VBP1: variants seen among roughly 807,000 people sequenced by gnomAD.
The protein encoded by VBP1 is prefoldin subunit 3.
A neutral mutation model predicts 15.5 loss-of-function variants in VBP1; 4 were observed. That is an observed-to-expected ratio of 0.26 (90% CI 0.13 to 0.59). VBP1 has a LOEUF of 0.59. Ranked by LOEUF, VBP1 falls within the 20% of genes least tolerant of loss-of-function variation. VBP1 has a pLI of 0.90. For missense variants in VBP1, 108 were observed against 139.6 expected (o/e 0.77, Z 1.14); for synonymous variants, 61 against 52.1 (o/e 1.17, Z -0.74).
chrX:155,201,266 C>G (rs1350220773), intron 1 of VBP1, among the ~76,000 whole-genome samples: 1 of 109,504 alleles, frequency 9.1e-6, no homozygotes, highest in Non-Finnish European at 1.9e-5. Context: ...TTTATGAGAC[C>G]AGCATCATCC....
At chrX:155,238,175 G>A (rs2074782955) in intron 5 of VBP1, among the ~76,000 whole-genome samples, 1 of 112,039 alleles carries the variant, frequency 8.9e-6, no homozygotes, top group Non-Finnish European at 1.9e-5. Flanking sequence ...ACTGCAAAAG[G>A]TAGGAAAGGA....
At chrX:155,218,222 A>G (rs1169710319) in intron 1 of VBP1, among the ~76,000 whole-genome samples, 2 of 112,048 alleles carry the variant, frequency 1.8e-5, no homozygotes, top group Non-Finnish European at 3.8e-5. Flanking sequence ...TTATGTTTCC[A>G]AACTATTAAT....
At chrX:155,206,569 C>T (rs192292884) in intron 1 of VBP1, among the ~76,000 whole-genome samples, 95 of 110,699 alleles carry the variant, frequency 8.6e-4, no homozygotes, top group African/African-American at 3.1e-3. Context: ...AGGAGCAAGT[C>T]AAGTGGAAGA....
At position 155,228,461 on chromosome X, in the gene VBP1, T is replaced by A; in HGVS notation, c.363T>A (p.Asp121Glu). The A allele has an allele frequency of 3.3e-6, 4 of 1,206,596 alleles. No individual in the cohort carries two copies. The highest frequency in any genetic ancestry group is 4.5e-6 in the Non-Finnish European group (4 of 892,008). ...LYCKASVPPT[D>E]KVCLWLGANV... ...GCAAAGCTTCAGTTCCTCCTACCGATAAAGTGTGTCTGTGGTTGGGGGTAA... is the reference window on the plus strand; with the variant it reads ...GCAAAGCTTCAGTTCCTCCTACCGAAAAAGTGTGTCTGTGGTTGGGGGTAA... Residue 121 changes from aspartate to glutamate, a missense_variant, in exon 4 of 6, where the codon GAT (aspartate) becomes GAA (glutamate). Transcript: ENST00000286428.
intron 1 of VBP1, among the ~76,000 whole-genome samples, chrX:155,199,585 C>T (rs1419969880): frequency 1.8e-5 from 2 of 111,525 alleles, no homozygotes; most frequent in African/African-American, 6.5e-5. Flanking sequence ...ACCAGGCCTG[C>T]CCTAAAAGAG....
intron 1 of VBP1, among the ~76,000 whole-genome samples, chrX:155,218,869 A>C (rs782351694): frequency 3.6e-5 from 4 of 112,180 alleles, no homozygotes; most frequent in Non-Finnish European, 7.5e-5. Flanking sequence ...CTGGGATTCA[A>C]ACCAGGCACC....
In VBP1 at chrX:155,228,463, A is replaced by G; in HGVS notation, c.365A>G (p.Lys122Arg). The change falls in exon 4 of 6, where the codon AAA (lysine) becomes AGA (arginine). Residue 122 changes from lysine to arginine, a missense_variant. Lys to Arg is a conservative substitution (Grantham distance 26). Transcript: ENST00000286428. ...YCKASVPPTD[K>R]VCLWLGANVM... The stretch of plus-strand genomic sequence containing the variant: ...AAAGCTTCAGTTCCTCCTACCGATA[A>G]AGTGTGTCTGTGGTTGGGGGTAAGT... 1 of 1,206,080 alleles carries G rather than the reference A, an allele frequency of 8.3e-7. No homozygotes were observed. The highest frequency in any genetic ancestry group is 1.1e-6 in the Non-Finnish European group (1 of 891,659).
chrX:155,214,866 A>G (rs1305399115), upstream of VBP1, among the ~76,000 whole-genome samples: 1 of 106,994 alleles, frequency 9.3e-6, no homozygotes, highest in Non-Finnish European at 1.9e-5. Flanking sequence ...CAGGAAGGAA[A>G]GAATTGGTAT....
In VBP1 at chrX:155,221,605, A is replaced by T. The variant is rs782733452; in HGVS notation, c.218+1298A>T. On this transcript the variant is annotated intron_variant, in intron 2 of 5. Transcript: ENST00000286428. ...AGTAGAACAGTAGAGGTACAGGGGG[A>T]TGGTAACTCATTACTTTGTACCAAA... Among the ~76,000 whole-genome samples, 59 of 112,197 alleles carry T rather than the reference A, an allele frequency of 5.3e-4. No homozygotes were observed. In the South Asian group the frequency reaches 0.01, roughly 20 times the overall value.
intron 4 of VBP1, among the ~76,000 whole-genome samples, chrX:155,236,024 C>A (rs1484094479): frequency 8.9e-6 from 1 of 112,129 alleles, no homozygotes; most frequent in Non-Finnish European, 1.9e-5. Context: ...TTTTGTAGAT[C>A]ACATGGTCTC....
At position 155,223,205 on chromosome X, in the gene VBP1, T is replaced by TTTTA. The variant is rs1405394875; in HGVS notation, c.218+2898_218+2899insTTTA. Among the ~76,000 whole-genome samples the TTTTA allele has an allele frequency of 1.7e-4, 18 of 104,476 alleles. 1 individual carries two copies. The highest frequency in any genetic ancestry group is 1.5e-3 in the East Asian group (5 of 3,361). 90.7% of individuals were successfully genotyped at this position (104,476 alleles called of 115,157 possible). ...AGTTCAGCCTATTTCTTTCTTTTTT[T>TTTTA]AATTTTTTTAGTATTGATCATTCTT... On this transcript the variant is annotated intron_variant, in intron 2 of 5. Transcript: ENST00000286428.
Position 155,201,833 on chromosome X carries a change from G to T in VBP1, c.-31+4694G>T, listed in dbSNP as rs782079260. Among the ~76,000 whole-genome samples, 4 of 111,261 alleles carry T rather than the reference G, an allele frequency of 3.6e-5. No individual in the cohort carries two copies. The East Asian group carries it at 8.4e-4, about 23-fold the overall frequency. On this transcript the variant is annotated intron_variant, in intron 1 of 6. Transcript: ENST00000535916. The stretch of plus-strand genomic sequence containing the variant: ...GGAAGTCAAATTGTCCCTGTTTGCA[G>T]ATGACATGATTGTGTATCTAGAAAA...
At chrX:155,208,825 T>C in intron 1 of VBP1, 9 of 876,561 alleles carry the variant, frequency 1.0e-5, no homozygotes, top group Non-Finnish European at 1.1e-5. Flanking sequence ...AGGAGAGCAA[T>C]TAAATACTAA....
At chrX:155,222,477 C>T (rs1407710586) in intron 2 of VBP1, among the ~76,000 whole-genome samples, 19 of 109,896 alleles carry the variant, frequency 1.7e-4, no homozygotes, top group African/African-American at 6.3e-4. Flanking sequence ...TACCCCGTCT[C>T]AAGAAAGAAA....
chrX:155,208,919 A>C, exon 2 of VBP1: 1 of 1,155,113 alleles, frequency 8.7e-7, no homozygotes, highest in South Asian at 1.9e-5. Context: ...ACCTCAACCC[A>C]TGATTCATAC....
chrX:155,235,678 T>C (rs782351486), intron 4 of VBP1, among the ~76,000 whole-genome samples: 19 of 112,521 alleles, frequency 1.7e-4, no homozygotes, highest in African/African-American at 6.1e-4. Context: ...CAAATATAGA[T>C]GATAATAAAT....
chrX:155,229,178 C>T (rs1398550377), intron 4 of VBP1, among the ~76,000 whole-genome samples: 1 of 111,651 alleles, frequency 9.0e-6, no homozygotes, highest in Admixed American at 9.5e-5. Flanking sequence ...CTAGATTAGC[C>T]CAAGGAGGTT....
upstream of VBP1, among the ~76,000 whole-genome samples, chrX:155,211,890 T>C (rs1557308562): frequency 8.9e-6 from 1 of 111,881 alleles, no homozygotes; most frequent in Admixed American, 9.5e-5. Flanking sequence ...CCCTTGAGTT[T>C]CTTATTCTGT....
chrX:155,206,912 C>T (rs972619094), intron 1 of VBP1, among the ~76,000 whole-genome samples: 1 of 110,884 alleles, frequency 9.0e-6, no homozygotes, highest in Admixed American at 9.6e-5. Flanking sequence ...GAAGAGGATT[C>T]GAGTATAATA....
Sources: gnomAD v4.1 joint callset for allele counts (sites outside exome capture counted in the v4.1 genomes callset) on GRCh38, gnomAD v4.1.1 for gene constraint, MANE v1.5 for transcripts, NCBI Gene and HGNC (gene_info 2026-07-23, HGNC 2026-07-21) for gene names.